CDYL: variants seen among roughly 807,000 people sequenced by gnomAD.
CDYL encodes chromodomain Y like.
In CDYL, 8 loss-of-function variants were observed where a neutral mutation model predicts 47.3. The ratio of observed to expected loss-of-function variants is 0.17; its 90% CI spans 0.10 to 0.31. CDYL has a LOEUF of 0.31. Among genes scored for constraint, CDYL ranks in the 10% least tolerant of loss-of-function variants. CDYL has a pLI of 1.00. For synonymous variants in CDYL, 266 were observed against 265.0 expected (o/e 1.00, Z -0.04); for missense variants, 471 against 701.4 (o/e 0.67, Z 3.71).
At chr6:4,810,267 C>G (rs2127443837) in intron 1 of CDYL, among the ~76,000 whole-genome samples, 1 of 152,264 alleles carries the variant, frequency 6.6e-6, no homozygotes, top group South Asian at 2.1e-4. Flanking sequence ...GATTTCAGTT[C>G]AGGCATCAGT....
In CDYL at chr6:4,743,170, C is replaced by T. The variant is rs572518374; in HGVS notation, c.186+8326C>T. Among the ~76,000 whole-genome samples, 4 of 152,298 alleles carry T rather than the reference C, an allele frequency of 2.6e-5. No individual in the cohort carries two copies. In the South Asian group the frequency reaches 6.2e-4, roughly 24 times the overall value. Reference sequence around the variant, plus strand: ...AAAGAAGTTGGGTGAGATGGGAACACGCTTAATCTAATCTTTGTGTCTGGG... The same window carrying T: ...AAAGAAGTTGGGTGAGATGGGAACATGCTTAATCTAATCTTTGTGTCTGGG... On this transcript the variant is annotated intron_variant, in intron 3 of 8. Transcript: ENST00000328908.
At chr6:4,834,403 C>T (rs1185406841) in intron 1 of CDYL, among the ~76,000 whole-genome samples, 2 of 149,034 alleles carry the variant, frequency 1.3e-5, no homozygotes, top group African/African-American at 5.0e-5. Flanking sequence ...ATATTGGCCC[C>T]CACTCTCTTC....
At chr6:4,880,057 C>T (rs1761723402) in intron 1 of CDYL, among the ~76,000 whole-genome samples, 1 of 152,038 alleles carries the variant, frequency 6.6e-6, no homozygotes, top group South Asian at 2.1e-4. Context: ...CACCCCAAGT[C>T]CTTAGTTTAC....
chr6:4,830,167 C>A (rs907398134), intron 1 of CDYL, among the ~76,000 whole-genome samples: 1 of 152,230 alleles, frequency 6.6e-6, no homozygotes, highest in Non-Finnish European at 1.5e-5. Context: ...TAAGCACCAT[C>A]CCTGCAACTG....
intron 1 of CDYL, among the ~76,000 whole-genome samples, chr6:4,794,298 C>T (rs981129011): frequency 6.6e-5 from 10 of 152,118 alleles, no homozygotes; most frequent in South Asian, 2.1e-4. Context: ...AAGGAGGGAA[C>T]GAGCCCCACT....
At chr6:4,904,683 G>GT (rs1243060995) in intron 2 of CDYL, among the ~76,000 whole-genome samples, 12 of 152,278 alleles carry the variant, frequency 7.9e-5, no homozygotes, top group African/African-American at 2.6e-4. Context: ...TTTCAGCCCA[G>GT]TTACCTCAGT....
intron 2 of CDYL, among the ~76,000 whole-genome samples, chr6:4,724,243 T>C (rs1757440814): frequency 6.6e-6 from 1 of 152,062 alleles, no homozygotes. Flanking sequence ...GAGACAGGGT[T>C]TCATTATATG....
At chr6:4,876,132 G>A in intron 1 of CDYL, among the ~76,000 whole-genome samples, 1 of 152,046 alleles carries the variant, frequency 6.6e-6, no homozygotes, top group East Asian at 1.9e-4. Context: ...TCCCACCCTT[G>A]TTGTTTGTTG....
At chr6:4,876,658 T>C (rs982962032) in intron 1 of CDYL, among the ~76,000 whole-genome samples, 8 of 151,746 alleles carry the variant, frequency 5.3e-5, no homozygotes, top group Admixed American at 3.3e-4. Context: ...TCATATACTT[T>C]AGGGAGTATA....
chr6:4,791,867 A>C (rs114181299), intron 1 of CDYL, among the ~76,000 whole-genome samples: 2 of 150,040 alleles, frequency 1.3e-5, no homozygotes, highest in East Asian at 3.9e-4. Flanking sequence ...ATAAGTTAAT[A>C]GGAAGGAATT....
Position 4,716,094 on chromosome 6 carries a change from A to T in CDYL, c.103+213A>T, listed in dbSNP as rs1021304978. On this transcript the variant is annotated intron_variant, in intron 2 of 8. Coordinates refer to the CDYL transcript ENST00000328908. Reference sequence around the variant, plus strand: ...AAACCCCGTCTCTACTAAAAATACAAAAAAATTAGCCTGGCGTGGTGTGGG... The same window carrying T: ...AAACCCCGTCTCTACTAAAAATACATAAAAATTAGCCTGGCGTGGTGTGGG... Among the ~76,000 whole-genome samples, 3 of 84,664 alleles carry T rather than the reference A, an allele frequency of 3.5e-5. No individual in the cohort carries two copies. The Admixed American group carries it at 4.0e-4, about 11-fold the overall frequency. 55.5% of individuals were successfully genotyped at this position (84,664 alleles called of 152,430 possible).
chr6:4,779,173 A>G (rs6901998), intron 1 of CDYL, among the ~76,000 whole-genome samples: 9,803 of 152,192 alleles, frequency 0.064, 868 homozygotes, highest in African/African-American at 0.2. Context: ...GCAATTGTAA[A>G]TGAACGCGAT....
At chr6:4,809,475 A>C (rs1454353804) in intron 1 of CDYL, among the ~76,000 whole-genome samples, 1 of 152,210 alleles carries the variant, frequency 6.6e-6, no homozygotes, top group African/African-American at 2.4e-5. Flanking sequence ...GCCAGTTTTT[A>C]AGAGTACTTT....
chr6:4,743,062 A>G (rs989301521), intron 3 of CDYL, among the ~76,000 whole-genome samples: 2 of 152,176 alleles, frequency 1.3e-5, no homozygotes, highest in Non-Finnish European at 2.9e-5. Flanking sequence ...CAAGGCTCTG[A>G]TCTTTTATTT....
intron 1 of CDYL, among the ~76,000 whole-genome samples, chr6:4,715,129 G>C (rs151294366): frequency 1.3e-5 from 2 of 152,170 alleles, no homozygotes; most frequent in Admixed American, 1.3e-4. Context: ...GTGCTTTCTC[G>C]TGCCTCTGTG....
intron 2 of CDYL, among the ~76,000 whole-genome samples, chr6:4,913,391 A>T (rs151179420): frequency 2.0e-5 from 3 of 152,332 alleles, no homozygotes; most frequent in African/African-American, 7.2e-5. Context: ...GGCCTCTGTT[A>T]AAAAGCAAAA....
At chr6:4,772,659 C>T (rs1189210371), upstream of CDYL, among the ~76,000 whole-genome samples, 2 of 152,156 alleles carry the variant, frequency 1.3e-5, no homozygotes, top group Non-Finnish European at 2.9e-5. Context: ...ACAAGAACGG[C>T]ATTTAATTTC....
chr6:4,833,770 A>C (rs1000487091), intron 1 of CDYL, among the ~76,000 whole-genome samples: 5 of 151,856 alleles, frequency 3.3e-5, no homozygotes, highest in Non-Finnish European at 7.4e-5. Context: ...TATTGGGTGC[A>C]TATATATTTA....
chr6:4,814,504 A>T (rs2127445680), intron 1 of CDYL, among the ~76,000 whole-genome samples: 1 of 152,240 alleles, frequency 6.6e-6, no homozygotes, highest in African/African-American at 2.4e-5. Context: ...AGTAGAGTTT[A>T]CAGACAAATT....
Sources: allele counts gnomAD v4.1 joint callset (sites outside exome capture counted in the v4.1 genomes callset), GRCh38; gene constraint gnomAD v4.1.1; transcripts MANE v1.5; gene names NCBI Gene and HGNC (gene_info 2026-07-23, HGNC 2026-07-21).